ACOXL: variants seen among roughly 807,000 people sequenced by gnomAD.
The protein encoded by ACOXL is acyl-coenzyme A oxidase-like protein.
Under a neutral mutation model 71.9 loss-of-function variants are expected in ACOXL, and 70 were observed. The ratio of observed to expected loss-of-function variants is 0.97; its 90% CI spans 0.80 to 1.19. The LOEUF (loss-of-function observed/expected upper bound fraction) is 1.19. ACOXL is among the 50% of genes most tolerant of loss of function. The pLI is 0.00. For missense variants in ACOXL, 703 were observed against 736.3 expected (o/e 0.95, Z 0.52); for synonymous variants, 253 against 281.6 (o/e 0.90, Z 1.02).
chr2:110,908,508 A>G (rs17041618), intron 10 of ACOXL, among the ~76,000 whole-genome samples: 1,635 of 152,344 alleles, frequency 0.011, 16 homozygotes, highest in Middle Eastern at 0.058. Flanking sequence ...AATGTCATGT[A>G]AATGTTAAGG....
chr2:111,013,713 T>A (rs977595539), intron 14 of ACOXL, among the ~76,000 whole-genome samples: 7 of 152,278 alleles, frequency 4.6e-5, no homozygotes, highest in African/African-American at 7.2e-5. Flanking sequence ...CAGGTCCAGA[T>A]GGTTTTACTG....
At chr2:110,995,855 C>T (rs1467436562) in intron 13 of ACOXL, 38 bp from the exon 14 acceptor site, 1 of 1,536,316 alleles carries the variant, frequency 6.5e-7, no homozygotes. Flanking sequence ...CTTGGTGAGG[C>T]CAAAATAATA....
chr2:110,940,965 T>C (rs772317974), intron 12 of ACOXL, among the ~76,000 whole-genome samples: 6 of 152,254 alleles, frequency 3.9e-5, no homozygotes, highest in Admixed American at 3.9e-4. Context: ...TTCTAATTTT[T>C]CAAACTATCT....
At chr2:110,975,977 T>C (rs2062425475) in intron 12 of ACOXL, among the ~76,000 whole-genome samples, 1 of 152,048 alleles carries the variant, frequency 6.6e-6, no homozygotes, top group Non-Finnish European at 1.5e-5. Context: ...AGAAAGGGAT[T>C]GGAGAATACA....
At chr2:110,767,910 C>A (rs957270287) in intron 1 of ACOXL, among the ~76,000 whole-genome samples, 1 of 145,220 alleles carries the variant, frequency 6.9e-6, no homozygotes, top group Non-Finnish European at 1.5e-5. Flanking sequence ...ATGGCGAAAC[C>A]CTGTCTCTAC....
At chr2:110,930,473 A>G (rs2060439815) in intron 11 of ACOXL, among the ~76,000 whole-genome samples, 1 of 152,194 alleles carries the variant, frequency 6.6e-6, no homozygotes, top group African/African-American at 2.4e-5. Flanking sequence ...TGTCTCAGAT[A>G]AGACTTTGGA....
At chr2:110,831,953 A>G (rs1689881286) in intron 9 of ACOXL, among the ~76,000 whole-genome samples, 1 of 152,212 alleles carries the variant, frequency 6.6e-6, no homozygotes, top group Admixed American at 6.5e-5. Context: ...TAAATGTAAA[A>G]TTTAAAACCA....
chr2:111,093,690 C>A (rs182373447), intron 17 of ACOXL: 15 of 644,336 alleles, frequency 2.3e-5, no homozygotes, highest in African/African-American at 1.9e-5. Context: ...CATGGTGAAA[C>A]CCTGTCTACT....
At chr2:111,016,128 G>T (rs1233710965) in intron 14 of ACOXL, among the ~76,000 whole-genome samples, 3 of 151,330 alleles carry the variant, frequency 2.0e-5, no homozygotes, top group East Asian at 1.9e-4. Context: ...TTGAGTTAGG[G>T]TCTCACTGTA....
chr2:110,932,627 CA>C (rs1284301572), intron 11 of ACOXL, among the ~76,000 whole-genome samples: 1 of 152,082 alleles, frequency 6.6e-6, no homozygotes, highest in Non-Finnish European at 1.5e-5. Flanking sequence ...TAAAAAGTTA[CA>C]AATACAAGAG....
At chr2:110,882,110 T>A (rs895180469) in intron 10 of ACOXL, among the ~76,000 whole-genome samples, 3 of 152,200 alleles carry the variant, frequency 2.0e-5, no homozygotes, top group Non-Finnish European at 4.4e-5. Context: ...TTCCAGTTGC[T>A]CCACACTCTC....
intron 1 of ACOXL, among the ~76,000 whole-genome samples, chr2:110,746,535 C>T (rs139896124): frequency 0.013 from 1,999 of 152,148 alleles, 24 homozygotes; most frequent in Non-Finnish European, 0.018. Context: ...GCATGGGACC[C>T]GGCTCCTGGG....
chr2:110,768,324 G>A, intron 1 of ACOXL, 44 bp from the exon 2 acceptor site: 2 of 1,549,290 alleles, frequency 1.3e-6, no homozygotes, highest in Non-Finnish European at 1.8e-6. Flanking sequence ...CCTCCCCTCA[G>A]TCACCAATTA....
chr2:110,774,380 G>A (rs555640232), intron 2 of ACOXL, among the ~76,000 whole-genome samples: 9 of 152,238 alleles, frequency 5.9e-5, no homozygotes, highest in African/African-American at 1.9e-4. Context: ...TGGAAAAGAA[G>A]AAGTAAAATA....
At chr2:111,098,480 G>A (rs4533473) in intron 17 of ACOXL, 34,050 of 152,108 alleles carry the variant, frequency 0.22, 4,312 homozygotes, top group African/African-American at 0.35. Flanking sequence ...ACGATGCATG[G>A]AAGACGAGAA....
intron 12 of ACOXL, among the ~76,000 whole-genome samples, chr2:110,937,743 CA>C (rs1364425134): frequency 2.0e-5 from 3 of 152,146 alleles, no homozygotes; most frequent in Middle Eastern, 3.4e-3. Flanking sequence ...CATCTTGCTT[CA>C]AAAAAATATA....
chr2:110,929,838 A>G (rs573602290), intron 11 of ACOXL, among the ~76,000 whole-genome samples: 2 of 152,310 alleles, frequency 1.3e-5, no homozygotes, highest in South Asian at 4.1e-4. Flanking sequence ...GGCAGCTTCC[A>G]CATGGTGTTG....
intron 3 of ACOXL, among the ~76,000 whole-genome samples, chr2:110,790,003 C>T (rs2105226660): frequency 6.6e-6 from 1 of 152,364 alleles, no homozygotes; most frequent in African/African-American, 2.4e-5. Context: ...ACTTCCCAGC[C>T]ACACTTTTGG....
At chr2:110,882,207 C>T (rs1696745041) in intron 10 of ACOXL, among the ~76,000 whole-genome samples, 1 of 152,226 alleles carries the variant, frequency 6.6e-6, no homozygotes, top group South Asian at 2.1e-4. Context: ...ATTTTCATTT[C>T]CCTGAGACAA....
Sources: gnomAD v4.1 joint callset for allele counts (sites outside exome capture counted in the v4.1 genomes callset) on GRCh38, gnomAD v4.1.1 for gene constraint, MANE v1.5 for transcripts, NCBI Gene and HGNC (gene_info 2026-07-23, HGNC 2026-07-21) for gene names.